The following NEMF variants were observed in gnomAD, a reference collection of about 807,000 sequenced individuals.
The protein encoded by NEMF is ribosome quality control complex subunit NEMF.
Under a neutral mutation model 162.2 loss-of-function variants are expected in NEMF, and 89 were observed. The ratio of observed to expected loss-of-function variants is 0.55; its 90% CI spans 0.46 to 0.65. The LOEUF (loss-of-function observed/expected upper bound fraction) is 0.65. NEMF is among the 30% of genes least tolerant of loss of function. The pLI is 0.00. For synonymous variants in NEMF, 421 were observed against 404.5 expected (o/e 1.04, Z -0.49); for missense variants, 1,133 against 1,261.9 (o/e 0.90, Z 1.55).
intron 22 of NEMF, chr14:49,801,077 G>A (rs74345017): frequency 2.1e-5 from 4 of 186,948 alleles, no homozygotes; most frequent in Admixed American, 1.7e-4. Flanking sequence ...CGCCCACATA[G>A]CAGGTGCTCA....
chr14:49,845,435 T>G (rs1416520726), intron 4 of NEMF, among the ~76,000 whole-genome samples: 1 of 152,198 alleles, frequency 6.6e-6, no homozygotes, highest in Non-Finnish European at 1.5e-5. Flanking sequence ...GCCAAATTTA[T>G]TTTTAAGATG....
intron 28 of NEMF, 186 bp from the exon 29 acceptor site, chr14:49,786,936 T>C: frequency 5.4e-6 from 3 of 554,750 alleles, no homozygotes; most frequent in Non-Finnish European, 9.5e-6. Context: ...TGTTTGTGTG[T>C]GTCTGTTTTA....
chr14:49,826,756 C>G (rs1014724359), intron 15 of NEMF, among the ~76,000 whole-genome samples: 6 of 152,024 alleles, frequency 3.9e-5, no homozygotes, highest in African/African-American at 1.2e-4. Flanking sequence ...AATCTATATT[C>G]TAGAGGGAAT....
chr14:49,844,975 G>A, intron 4 of NEMF: 1 of 193,012 alleles, frequency 5.2e-6, no homozygotes, highest in South Asian at 6.9e-5. Flanking sequence ...TGCCACATTG[G>A]GCAGGCTGGT....
Position 49,851,806 on chromosome 14 carries a change from C to T in NEMF, c.128+1G>A. The T allele has an allele frequency of 6.5e-7, 1 of 1,541,564 alleles. No individual in the cohort carries two copies. The highest frequency in any genetic ancestry group is 8.9e-7 in the Non-Finnish European group (1 of 1,125,256). On this transcript the variant is annotated splice_donor_variant, in intron 2 of 32. Coordinates refer to ENST00000298310, the MANE Select transcript of NEMF (RefSeq NM_004713.6). LOFTEE classifies it high-confidence loss of function. Reference sequence around the variant, plus strand: ...AAAATAAGCCTATAAAATGTTCTTACTTTTGAAGACGAATAAGGTATGTCT... The same window carrying T: ...AAAATAAGCCTATAAAATGTTCTTATTTTTGAAGACGAATAAGGTATGTCT...
At chr14:49,823,090 C>T (rs527271459) in intron 16 of NEMF, among the ~76,000 whole-genome samples, 48 of 152,086 alleles carry the variant, frequency 3.2e-4, no homozygotes, top group African/African-American at 1.1e-3. Context: ...GCACCTGCCA[C>T]CACACTCAGC....
At chr14:49,838,266 ATAT>A (rs1893006436) in intron 5 of NEMF, 60 bp from the exon 6 acceptor site, 1 of 1,309,866 alleles carries the variant, frequency 7.6e-7, no homozygotes, top group African/African-American at 1.4e-5. Context: ...AGCAATCTTC[ATAT>A]TAATACTACT....
At chr14:49,843,751 T>C (rs906862094) in intron 4 of NEMF, among the ~76,000 whole-genome samples, 2 of 152,196 alleles carry the variant, frequency 1.3e-5, no homozygotes, top group African/African-American at 4.8e-5. Context: ...CAAGTATTTG[T>C]GTATCTAAGT....
intron 6 of NEMF, among the ~76,000 whole-genome samples, chr14:49,835,008 G>A (rs1432923235): frequency 6.6e-6 from 1 of 152,166 alleles, no homozygotes; most frequent in Non-Finnish European, 1.5e-5. Context: ...AGACCAGCCT[G>A]ACCAACATGG....
At chr14:49,790,154 TC>T (rs1890372607) in intron 26 of NEMF, among the ~76,000 whole-genome samples, 2 of 152,106 alleles carry the variant, frequency 1.3e-5, no homozygotes, top group African/African-American at 4.8e-5. Flanking sequence ...TAAATTTGTG[TC>T]CCTAAACAGG....
At position 49,795,932 on chromosome 14, in the gene NEMF, C is replaced by T. The variant is rs1890673797; in HGVS notation, c.2478G>A (p.Lys826=). 6.3e-7 allele frequency: 1 copy of T among 1,591,606 alleles called. No individual in the cohort carries two copies. Among genetic ancestry groups the T allele is most frequent in the African/African-American group, 1.4e-5 (1 of 73,124 alleles). ...CTCCTGAGTCACTTGGAAGTTTTTTCTTTTTCATTTCCCTGAATAAAAAAG... is the reference window on the plus strand; with the variant it reads ...CTCCTGAGTCACTTGGAAGTTTTTTTTTTTTCATTTCCCTGAATAAAAAAG... ...LSAKERREMK[K]KKLPSDSGDL... is the part of the protein sequence containing the mutation. Residue 826 remains lysine, a synonymous_variant, in exon 26 of 33, where the codon AAG becomes AAA. Coordinates refer to ENST00000298310, the MANE Select transcript of NEMF (RefSeq NM_004713.6).
At chr14:49,806,184 G>A in intron 18 of NEMF, 51 bp from the exon 19 acceptor site, 1 of 1,242,250 alleles carries the variant, frequency 8.0e-7, no homozygotes, top group Admixed American at 2.0e-5. Flanking sequence ...ACTTTCTCCA[G>A]AGCAAGATAT....
rs1167244604 is a variant in NEMF at position 49,783,216 on chromosome 14, A to T, written c.*1420T>A. 2 of 292,272 alleles carry T rather than the reference A, an allele frequency of 6.8e-6. No individual in the cohort carries two copies. Among genetic ancestry groups the T allele is most frequent in the East Asian group, 1.3e-4 (2 of 15,212 alleles). 18.1% of individuals were successfully genotyped at this position (292,272 alleles called of 1,614,324 possible). On this transcript the variant is annotated 3_prime_UTR_variant, in exon 33 of 33. Transcript: ENST00000298310. ...ATGGTTGCTACATTTTCTTTTCAGT[A>T]ACTTCAGGATATGTATCTGTAGAAA...
chr14:49,850,932 G>A (rs771140349), intron 3 of NEMF, among the ~76,000 whole-genome samples: 4 of 152,192 alleles, frequency 2.6e-5, no homozygotes, highest in African/African-American at 4.8e-5. Context: ...GGCCAGGCGC[G>A]GTGGCTCATG....
intron 4 of NEMF, among the ~76,000 whole-genome samples, chr14:49,845,562 G>A (rs1467424282): frequency 6.6e-6 from 1 of 151,840 alleles, no homozygotes; most frequent in African/African-American, 2.4e-5. Flanking sequence ...AACACATATC[G>A]TACAGCTGTA....
intron 16 of NEMF, among the ~76,000 whole-genome samples, chr14:49,817,716 A>G (rs1226828613): frequency 6.6e-6 from 1 of 152,232 alleles, no homozygotes; most frequent in Non-Finnish European, 1.5e-5. Flanking sequence ...CTGCCAATAT[A>G]TTTTAAACTT....
intron 1 of NEMF, 53 bp downstream of exon 1, chr14:49,852,642 G>A: frequency 6.3e-7 from 1 of 1,589,774 alleles, no homozygotes; most frequent in Non-Finnish European, 8.6e-7. Flanking sequence ...ATGGGACTCC[G>A]GCCTCTGCCT....
rs748423148 is a variant in NEMF, at chr14:49,829,392, C to T, written c.980G>A (p.Arg327Gln). 18 of 1,613,926 alleles carry T rather than the reference C, an allele frequency of 1.1e-5. No individual in the cohort carries two copies. Among genetic ancestry groups the T allele is most frequent in the South Asian group, 3.3e-5 (3 of 91,084 alleles). The change falls in exon 12 of 33, where the codon CGA becomes CAA. Residue 327 changes from arginine (R) to glutamine (Q), a missense_variant. Arg to Gln is a conservative substitution (Grantham distance 43). This residue lies in a region of NEMF where 582 missense variants were observed against 631.5 expected (regional missense o/e 0.92). Transcript: ENST00000298310. ...TTCCAATCTGTTTTCGTGATCCTTT[C>T]GAACATTATCTAATTTCTTCAATGC... ...KQALKKLDNV[R>Q]KDHENRLEAL...
intron 17 of NEMF, 76 bp from the exon 18 acceptor site, chr14:49,814,126 G>A: frequency 1.2e-6 from 1 of 857,442 alleles, no homozygotes; most frequent in South Asian, 1.4e-5. Context: ...TTCAGATGGA[G>A]TCTCGCTCTG....
Sources: gnomAD v4.1 joint callset for allele counts (sites outside exome capture counted in the v4.1 genomes callset) on GRCh38, gnomAD v4.1.1 for gene constraint, gnomAD v4.1.1 regional missense constraint, MANE v1.5 for transcripts, NCBI Gene and HGNC (gene_info 2026-07-23, HGNC 2026-07-21) for gene names.